The following NLRP9 variants were observed in gnomAD, a reference collection of about 807,000 sequenced individuals.
NLRP9 encodes the protein NACHT, LRR and PYD domains-containing protein 9.
In NLRP9, 88 loss-of-function variants were observed where a neutral mutation model predicts 83.1. The ratio of observed to expected loss-of-function variants is 1.06; its 90% CI spans 0.89 to 1.26. The LOEUF (loss-of-function observed/expected upper bound fraction) is 1.26, where lower values mean the gene tolerates loss of function less well. NLRP9 is among the 50% of genes most tolerant of loss of function. The probability of loss-of-function intolerance (pLI) is 0.00; values close to 1 mark genes in which losing one functional copy is unlikely to be tolerated. For missense variants in NLRP9, 1,308 were observed against 1,179.3 expected (o/e 1.11, Z -1.60); for synonymous variants, 521 against 447.6 (o/e 1.16, Z -2.07).
At position 55,732,648 on chromosome 19, in the gene NLRP9, G is replaced by A. The variant is rs766379616; in HGVS notation, c.1183C>T (p.Leu395=). 30 of 1,614,066 alleles carry A rather than the reference G, an allele frequency of 1.9e-5. No homozygotes were observed. The African/African-American group carries it at 3.5e-4, about 19-fold the overall frequency. ...ATTCCCTCTGCAGCCAAAGCACACA[G>A]GCTTTTTAGTCGGGCTCTGTTCACC... is the stretch of plus-strand genomic sequence containing the variant. The part of the protein sequence containing the change: ...PKVNRARLKS[L]CALAAEGIWT... Residue 395 remains leucine (L), a synonymous_variant, in exon 2 of 9, where the codon CTG becomes TTG. Transcript: ENST00000332836.
chr19:55,716,934 G>T, intron 4 of NLRP9, 36 bp from the exon 5 acceptor site: 1 of 1,562,534 alleles, frequency 6.4e-7, no homozygotes, highest in Non-Finnish European at 8.8e-7. Flanking sequence ...ACGGACCAAA[G>T]CTTTCAATCG....
intron 1 of NLRP9, among the ~76,000 whole-genome samples, chr19:55,733,918 A>G (rs116628649): frequency 0.028 from 3,307 of 118,118 alleles, 99 homozygotes; most frequent in African/African-American, 0.093. Flanking sequence ...TTGTCAACCA[A>G]ATTTTTTTTT....
Position 55,734,695 on chromosome 19 carries a change from C to T in NLRP9, c.281-1145G>A, listed in dbSNP as rs148368874. Among the ~76,000 whole-genome samples the T allele has an allele frequency of 3.5e-3, 530 of 150,254 alleles. 4 individuals are homozygous for T. The highest frequency in any genetic ancestry group is 0.012 in the African/African-American group (494 of 40,804). ...TGTCCCCCAGGCTGGAGTGAGATGG[C>T]GCTATCTCAGCTCACTGCAACCTCC... On this transcript the variant is annotated intron_variant, in intron 1 of 8. Transcript: ENST00000332836.
At chr19:55,711,640 A>G (rs1987730608) in intron 8 of NLRP9, 160 bp downstream of exon 8, 14 of 876,840 alleles carry the variant, frequency 1.6e-5, no homozygotes, top group Admixed American at 1.6e-4. Context: ...TACAATGTCA[A>G]TGGTTTTTAT....
chr19:55,711,837 C>T lies in NLRP9; in HGVS notation c.2806G>A (p.Ala936Thr), dbSNP rs1054177656. 1 of 1,613,346 alleles carries T rather than the reference C, an allele frequency of 6.2e-7. No homozygotes were observed. Among genetic ancestry groups the T allele is most frequent in the Non-Finnish European group, 8.5e-7 (1 of 1,179,942 alleles). The part of the protein sequence containing the change: ...DADAVVVLCE[A>T]LSHPDCALQM... ...AGGGCACAGTCCGGGTGGCTCAATGCCTCACACAGCACCACCACTGCATCA... is the reference window on the plus strand; with the variant it reads ...AGGGCACAGTCCGGGTGGCTCAATGTCTCACACAGCACCACCACTGCATCA... The change falls in exon 8 of 9, where the codon GCA (alanine) becomes ACA (threonine). Residue 936 changes from alanine to threonine, a missense_variant. Coordinates refer to ENST00000332836, the MANE Select transcript of NLRP9 (RefSeq NM_176820.4).
rs1162959085 is a variant in NLRP9, at chr19:55,731,667, T to C, written c.1832+332A>G. ...TGAACCTGGGAGGTGGAGGTTGCAG[T>C]AGGCCGAGATCGCGCCACTGCACTC... On this transcript the variant is annotated intron_variant, in intron 2 of 8. Coordinates refer to ENST00000332836, the MANE Select transcript of NLRP9 (RefSeq NM_176820.4). 2.8e-5 allele frequency among the ~76,000 whole-genome samples: 4 copies of C among 143,494 alleles called. No individual in the cohort carries two copies. The Admixed American group carries it at 2.9e-4, about 11-fold the overall frequency. 94.1% of individuals were successfully genotyped at this position (143,494 alleles called of 152,430 possible).
At chr19:55,726,793 G>A (rs1024511954) in intron 3 of NLRP9, among the ~76,000 whole-genome samples, 2 of 152,092 alleles carry the variant, frequency 1.3e-5, no homozygotes, top group Non-Finnish European at 2.9e-5. Context: ...ATGAGCTCTG[G>A]CTTCTGATTC....
At position 55,716,785 on chromosome 19, in the gene NLRP9, C is replaced by G. The variant is rs773268689; in HGVS notation, c.2273G>C (p.Gly758Ala). Residue 758 changes from glycine to alanine, a missense_variant, in exon 5 of 9, where the codon GGA becomes GCA. Gly to Ala is a moderately conservative substitution (Grantham distance 60, BLOSUM62 0). Coordinates refer to ENST00000332836, the MANE Select transcript of NLRP9 (RefSeq NM_176820.4). The part of the protein sequence containing the change: ...SLVENPLRDE[G>A]MTLLCEALKH... ...CAGGGCTTCACACAGCAACGTCATT[C>G]CTTCGTCCCTCAAGGGATTTTCTAC... is the stretch of plus-strand genomic sequence containing the variant. The G allele has an allele frequency of 6.2e-7, 1 of 1,613,950 alleles. No individual in the cohort carries two copies. The highest frequency in any genetic ancestry group is 8.5e-7 in the Non-Finnish European group (1 of 1,179,946).
At chr19:55,721,532 A>C (rs1988225731) in intron 4 of NLRP9, among the ~76,000 whole-genome samples, 1 of 152,006 alleles carries the variant, frequency 6.6e-6, no homozygotes, top group Non-Finnish European at 1.5e-5. Flanking sequence ...GAGAAGCATC[A>C]CTCTAATCTC....
chr19:55,723,320 C>T (rs373301966), intron 4 of NLRP9, among the ~76,000 whole-genome samples: 12 of 152,080 alleles, frequency 7.9e-5, no homozygotes, highest in African/African-American at 2.7e-4. Context: ...TGATCATTAA[C>T]ATGCTTCAGT....
chr19:55,711,237 GTTT>G (rs931503295), intron 8 of NLRP9: 4 of 413,492 alleles, frequency 9.7e-6, no homozygotes, highest in Admixed American at 6.5e-5. Flanking sequence ...CCGCCCATTT[GTTT>G]TTTAAAAAAT....
Position 55,716,850 on chromosome 19 carries a change from G to T in NLRP9, c.2208C>A (p.Ser736=), listed in dbSNP as rs141420832. The change falls in exon 5 of 9, where the codon TCC becomes TCA. Residue 736 remains serine, a synonymous_variant. Transcript: ENST00000332836. ...TCAGCTTGCTGTTGCAGGCCAGGAC[G>T]GAGGCGATGTCTTCACAAACTTCAC... ...ISSEVCEDIA[S]VLACNSKLKH... is the part of the protein sequence containing the mutation. 3.1e-6 allele frequency: 5 copies of T among 1,613,698 alleles called. No homozygotes were observed. Among genetic ancestry groups the T allele is most frequent in the Non-Finnish European group, 4.2e-6 (5 of 1,179,936 alleles).
intron 6 of NLRP9, among the ~76,000 whole-genome samples, chr19:55,714,324 C>T (rs1022183792): frequency 1.3e-5 from 2 of 151,520 alleles, no homozygotes; most frequent in Non-Finnish European, 2.9e-5. Flanking sequence ...AGGTGAGTCA[C>T]CTGCATGCAT....
intron 4 of NLRP9, among the ~76,000 whole-genome samples, chr19:55,718,702 G>C (rs1197652185): frequency 2.0e-5 from 3 of 152,228 alleles, no homozygotes; most frequent in Admixed American, 6.5e-5. Context: ...TAAAAATAGT[G>C]ATCAATAAAT....
intron 8 of NLRP9, among the ~76,000 whole-genome samples, chr19:55,710,851 T>C (rs555123700): frequency 6.6e-6 from 1 of 152,150 alleles, no homozygotes; most frequent in African/African-American, 2.4e-5. Flanking sequence ...TTTGAGAGGC[T>C]GAGGCAGGTG....
Position 55,711,985 on chromosome 19 carries a change from C to T in NLRP9, c.2673-15G>A. The T allele has an allele frequency of 6.2e-7, 1 of 1,610,166 alleles. No homozygotes were observed. Among genetic ancestry groups the T allele is most frequent in the Non-Finnish European group, 8.5e-7 (1 of 1,177,854 alleles). On this transcript the variant is annotated splice_polypyrimidine_tract_variant and intron_variant, in intron 7 of 8. Coordinates refer to ENST00000332836, the MANE Select transcript of NLRP9 (RefSeq NM_176820.4). ...ACGTTTGCAGCCTGCAAAAGGGAAACACACCAGAGAATCCACTCTAGCTTT... is the reference window on the plus strand; with the variant it reads ...ACGTTTGCAGCCTGCAAAAGGGAAATACACCAGAGAATCCACTCTAGCTTT...
In NLRP9 at chr19:55,732,201, C is replaced by T. The variant is rs369051614; in HGVS notation, c.1630G>A (p.Glu544Lys). The T allele has an allele frequency of 9.5e-5, 154 of 1,613,396 alleles. No homozygotes were observed. The highest frequency in any genetic ancestry group is 1.2e-4 in the Non-Finnish European group (144 of 1,179,740). ...GTTTCAAACAAACCAATGAATAGTT[C>T]CTGGAAAGCTATGGCTTCCCTATCA... ...EADREAIAFQELFIGLFETQE... is the reference protein window; with the variant it reads ...EADREAIAFQKLFIGLFETQE... The change falls in exon 2 of 9, where the codon GAA (glutamate) becomes AAA (lysine). Residue 544 changes from glutamate (E) to lysine (K), a missense_variant. Coordinates refer to ENST00000332836, the MANE Select transcript of NLRP9 (RefSeq NM_176820.4).
chr19:55,718,211 G>A (rs932060869), intron 4 of NLRP9, among the ~76,000 whole-genome samples: 8 of 152,308 alleles, frequency 5.3e-5, no homozygotes, highest in African/African-American at 9.6e-5. Flanking sequence ...ACCTCTGCCC[G>A]AGAAAGCCTG....
intron 4 of NLRP9, among the ~76,000 whole-genome samples, chr19:55,723,383 G>T (rs1988291079): frequency 6.6e-6 from 1 of 152,078 alleles, no homozygotes; most frequent in Non-Finnish European, 1.5e-5. Flanking sequence ...TCTTGTTTTG[G>T]CCTGGTTGCC....
Sources: gnomAD v4.1 joint callset for allele counts (sites outside exome capture counted in the v4.1 genomes callset) on GRCh38, gnomAD v4.1.1 for gene constraint, MANE v1.5 for transcripts, NCBI Gene and HGNC (gene_info 2026-07-23, HGNC 2026-07-21) for gene names.